Variants in TMPRSS12 observed in about 807,000 individuals in gnomAD.
The protein encoded by TMPRSS12 is transmembrane serine protease 12.
In TMPRSS12, 25 loss-of-function variants were observed where a neutral mutation model predicts 26.0. That is an observed-to-expected ratio of 0.96 (90% CI 0.70 to 1.34). The LOEUF (loss-of-function observed/expected upper bound fraction) is 1.34. TMPRSS12 is among the 40% of genes most tolerant of loss of function. The pLI is 0.00. For missense variants in TMPRSS12, 441 were observed against 440.1 expected (o/e 1.00, Z -0.02); for synonymous variants, 150 against 161.7 (o/e 0.93, Z 0.55).
chr12:50,884,733 A>G (rs1938206245), intron 3 of TMPRSS12, among the ~76,000 whole-genome samples: 1 of 152,004 alleles, frequency 6.6e-6, no homozygotes, highest in Non-Finnish European at 1.5e-5. Flanking sequence ...TTAGCTGGGC[A>G]TGGTGGTGAG....
intron 2 of TMPRSS12, among the ~76,000 whole-genome samples, chr12:50,858,205 A>G (rs1937900116): frequency 6.6e-6 from 1 of 152,102 alleles, no homozygotes; most frequent in Non-Finnish European, 1.5e-5. Context: ...AGTAAGTTTC[A>G]AAAAAATTAT....
chr12:50,844,644 G>C (rs1937751256), intron 2 of TMPRSS12, among the ~76,000 whole-genome samples: 1 of 152,010 alleles, frequency 6.6e-6, no homozygotes, highest in Non-Finnish European at 1.5e-5. Flanking sequence ...CAAAGTTCTG[G>C]GATTACAGGT....
chr12:50,863,711 C>A (rs1937960412), intron 3 of TMPRSS12, among the ~76,000 whole-genome samples: 2 of 152,112 alleles, frequency 1.3e-5, no homozygotes, highest in Admixed American at 1.3e-4. Context: ...AATGAAATGA[C>A]AAAATTATGC....
intron 3 of TMPRSS12, among the ~76,000 whole-genome samples, chr12:50,884,637 C>T (rs888654491): frequency 3.3e-5 from 5 of 151,448 alleles, no homozygotes; most frequent in South Asian, 2.1e-4. Context: ...TTTGGGAGGC[C>T]GAGATGAGTG....
chr12:50,882,251 A>G (rs1592225747), intron 3 of TMPRSS12, among the ~76,000 whole-genome samples: 1 of 141,576 alleles, frequency 7.1e-6, no homozygotes, highest in East Asian at 2.0e-4. Flanking sequence ...GGAGTTCAAG[A>G]CCAGCCTAGG....
intron 4 of TMPRSS12, chr12:50,885,753 T>G (rs1938219962): frequency 2.1e-6 from 1 of 471,788 alleles, no homozygotes; most frequent in Non-Finnish European, 3.7e-6. Context: ...CCTCCCAGGT[T>G]CAAGCGATTC....
chr12:50,853,504 A>G (rs993589253), intron 2 of TMPRSS12, among the ~76,000 whole-genome samples: 10 of 151,956 alleles, frequency 6.6e-5, no homozygotes, highest in African/African-American at 2.2e-4. Flanking sequence ...GTGACACAAA[A>G]AAACATACAA....
intron 2 of TMPRSS12, among the ~76,000 whole-genome samples, chr12:50,854,340 C>T (rs1026031152): frequency 1.9e-4 from 29 of 152,214 alleles, no homozygotes; most frequent in Non-Finnish European, 3.1e-4. Context: ...CTATGACAAA[C>T]CCTCAGCCAA....
intron 2 of TMPRSS12, among the ~76,000 whole-genome samples, chr12:50,850,351 GA>G (rs1937814208): frequency 6.6e-6 from 1 of 152,158 alleles, no homozygotes; most frequent in Non-Finnish European, 1.5e-5. Flanking sequence ...GGCTGAGGCA[GA>G]AGGATCTCTT....
intron 4 of TMPRSS12, 191 bp from the exon 5 acceptor site, chr12:50,887,070 TG>T: frequency 1.7e-6 from 1 of 579,684 alleles, no homozygotes. Flanking sequence ...TCCAAATACC[TG>T]GGTAAAATTG....
chr12:50,855,104 C>CA (rs1937863199), intron 2 of TMPRSS12, among the ~76,000 whole-genome samples: 1 of 152,106 alleles, frequency 6.6e-6, no homozygotes, highest in South Asian at 2.1e-4. Flanking sequence ...AGTACTGGTA[C>CA]AAAAACAGAC....
chr12:50,866,257 G>A (rs765878229), intron 3 of TMPRSS12, among the ~76,000 whole-genome samples: 112 of 152,150 alleles, frequency 7.4e-4, no homozygotes, highest in Non-Finnish European at 7.6e-4. Flanking sequence ...AGCCCTGCTT[G>A]CCCACTGTCT....
intron 3 of TMPRSS12, among the ~76,000 whole-genome samples, chr12:50,871,151 C>T (rs1481561215): frequency 3.9e-5 from 6 of 151,996 alleles, no homozygotes; most frequent in Non-Finnish European, 7.4e-5. Flanking sequence ...CAAGATTAAG[C>T]AAAAAGAACA....
rs563929143 is a variant in TMPRSS12 at position 50,871,928 on chromosome 12, A to T, written c.652+12875A>T. On this transcript the variant is annotated intron_variant, in intron 3 of 4. Coordinates refer to ENST00000398458, the MANE Select transcript of TMPRSS12 (RefSeq NM_182559.3). ...CAAGAGTGGTCATAATCAAAAAATT[A>T]AAAAAAAAAACAGTAGATGTTGGCA... Among the ~76,000 whole-genome samples, 8 of 66,400 alleles carry T rather than the reference A, an allele frequency of 1.2e-4. No homozygotes were observed. In the East Asian group the frequency reaches 1.9e-3, roughly 15 times the overall value. The allele number at this position is 66,400 out of a possible 152,430, so 43.6% of individuals were successfully genotyped here.
At chr12:50,858,665 C>A in intron 2 of TMPRSS12, 120 bp from the exon 3 acceptor site, 1 of 753,654 alleles carries the variant, frequency 1.3e-6, no homozygotes, top group Non-Finnish European at 1.9e-6. Context: ...TTTTATGTCA[C>A]ATGAAACTGG....
In TMPRSS12 at chr12:50,844,033, G is replaced by A. The variant is rs861204; in HGVS notation, c.379G>A (p.Ala127Thr). The A allele has an allele frequency of 0.31, 486,384 of 1,561,408 alleles. 81,098 individuals carry two copies. The highest frequency in any genetic ancestry group is 0.34 in the Non-Finnish European group (398,531 of 1,155,710). ...CACAGCTGCCCACTGCACTAAAGAC[G>A]CTAGGTACGTATTCAGAACACAACT... ...VLTAAHCTKD[A>T]SDPLMWTAVI... Residue 127 changes from alanine to threonine, a missense_variant, in exon 2 of 5, where the codon GCT becomes ACT. Transcript: ENST00000398458.
intron 2 of TMPRSS12, among the ~76,000 whole-genome samples, chr12:50,849,509 A>AATCGTCTC (rs1555205491): frequency 6.6e-6 from 1 of 151,120 alleles, no homozygotes; most frequent in African/African-American, 2.4e-5. Flanking sequence ...CATAACCTTA[A>AATCGTCTC]ATCCTCTCAT....
intron 3 of TMPRSS12, among the ~76,000 whole-genome samples, chr12:50,868,788 A>G (rs1234705604): frequency 6.6e-6 from 1 of 152,228 alleles, no homozygotes; most frequent in African/African-American, 2.4e-5. Flanking sequence ...TTAAAATTAT[A>G]TCAAGAACTC....
intron 2 of TMPRSS12, among the ~76,000 whole-genome samples, chr12:50,844,307 C>G (rs973516400): frequency 1.3e-5 from 2 of 151,732 alleles, no homozygotes; most frequent in African/African-American, 4.8e-5. Context: ...AACCCATCAT[C>G]TAACTACATT....
Sources: allele counts gnomAD v4.1 joint callset (sites outside exome capture counted in the v4.1 genomes callset), GRCh38; gene constraint gnomAD v4.1.1; transcripts MANE v1.5; gene names NCBI Gene and HGNC (gene_info 2026-07-23, HGNC 2026-07-21).